The following WDR7 variants were observed in gnomAD, a reference collection of about 807,000 sequenced individuals.
WDR7 encodes WD repeat-containing protein 7.
WDR7 carries 46 observed loss-of-function variants against 169.4 expected under a neutral mutation model. The ratio of observed to expected loss-of-function variants is 0.27; its 90% CI spans 0.21 to 0.35. WDR7 has a LOEUF of 0.35. Among genes scored for constraint, WDR7 ranks in the 10% least tolerant of loss-of-function variants. The pLI, the probability that WDR7 is intolerant of heterozygous loss-of-function variation, is 1.00. For missense variants in WDR7, 1,534 were observed against 1,859.3 expected (o/e 0.83, Z 3.22); for synonymous variants, 612 against 666.8 (o/e 0.92, Z 1.27).
At chr18:57,018,634 CT>C (rs2145933753) in intron 26 of WDR7, among the ~76,000 whole-genome samples, 1 of 152,264 alleles carries the variant, frequency 6.6e-6, no homozygotes, top group African/African-American at 2.4e-5. Context: ...GAAAGATGGG[CT>C]GAAAAAATTT....
At chr18:56,700,252 C>T (rs2510191) in intron 12 of WDR7, among the ~76,000 whole-genome samples, 74 of 67,166 alleles carry the variant, frequency 1.1e-3, no homozygotes, top group South Asian at 4.7e-3. Flanking sequence ...TTTTCATTTT[C>T]TTTTTTTTTT....
chr18:56,694,133 G>A (rs1315401812), intron 9 of WDR7, among the ~76,000 whole-genome samples: 5 of 151,756 alleles, frequency 3.3e-5, no homozygotes, highest in African/African-American at 1.2e-4. Flanking sequence ...TCATTGTTGG[G>A]ATTACAAGCA....
At chr18:56,953,091 G>A (rs1403055892) in intron 25 of WDR7, among the ~76,000 whole-genome samples, 5 of 152,154 alleles carry the variant, frequency 3.3e-5, no homozygotes, top group Non-Finnish European at 7.4e-5. Context: ...TTATCAGAAA[G>A]CTGTCACCCT....
At chr18:56,747,684 T>G (rs1448328095) in intron 14 of WDR7, among the ~76,000 whole-genome samples, 1 of 152,024 alleles carries the variant, frequency 6.6e-6, no homozygotes, top group Non-Finnish European at 1.5e-5. Context: ...AGGCTTGACA[T>G]TAGGAGGACG....
At chr18:56,685,638 A>C (rs77161034) in intron 5 of WDR7, among the ~76,000 whole-genome samples, 1,736 of 152,286 alleles carry the variant, frequency 0.011, 24 homozygotes, top group African/African-American at 0.039. Context: ...AAAGAATTAG[A>C]AGTTGTAAAT....
rs1568286850 is a variant in WDR7 at position 56,959,365 on chromosome 18, A to G, written c.4065-3065A>G. 2.0e-5 allele frequency among the ~76,000 whole-genome samples: 3 copies of G among 152,118 alleles called. 1 individual carries two copies. Among genetic ancestry groups the G allele is most frequent in the South Asian group, 4.2e-4 (2 of 4,816 alleles). ...AAAGCATGGAGATCAGTGACTTTCA[A>G]CTTATTGGATGATGACCACCTCAGC... On this transcript the variant is annotated intron_variant, in intron 25 of 27. Coordinates refer to ENST00000254442, the MANE Select transcript of WDR7 (RefSeq NM_015285.3).
chr18:56,866,842 T>C (rs1434303096), intron 20 of WDR7, among the ~76,000 whole-genome samples: 3 of 152,126 alleles, frequency 2.0e-5, no homozygotes, highest in Admixed American at 2.0e-4. Context: ...TTGAAATAAC[T>C]GGAAGAGAAG....
intron 16 of WDR7, among the ~76,000 whole-genome samples, chr18:56,773,073 C>G (rs990197820): frequency 2.0e-5 from 3 of 152,104 alleles, no homozygotes; most frequent in Admixed American, 2.0e-4. Flanking sequence ...GCTGCCAATT[C>G]TATTGGACAT....
At chr18:56,967,792 G>T (rs1306005520) in intron 26 of WDR7, among the ~76,000 whole-genome samples, 1 of 152,172 alleles carries the variant, frequency 6.6e-6, no homozygotes, top group Admixed American at 6.5e-5. Flanking sequence ...ATATAAAATG[G>T]TGAGGCATTT....
At chr18:56,960,118 T>C (rs1354438415) in intron 25 of WDR7, among the ~76,000 whole-genome samples, 3 of 152,198 alleles carry the variant, frequency 2.0e-5, no homozygotes, top group Non-Finnish European at 4.4e-5. Context: ...CAAGTATTAG[T>C]CCAGTAGTAA....
At chr18:56,789,122 C>T (rs1362256053) in intron 19 of WDR7, among the ~76,000 whole-genome samples, 1 of 152,140 alleles carries the variant, frequency 6.6e-6, no homozygotes, top group Admixed American at 6.5e-5. Context: ...CTATATTTGG[C>T]CACTAACCTA....
At chr18:56,739,378 A>G (rs2043577604) in intron 14 of WDR7, among the ~76,000 whole-genome samples, 1 of 152,178 alleles carries the variant, frequency 6.6e-6, no homozygotes, top group African/African-American at 2.4e-5. Flanking sequence ...TGCTGGTGCT[A>G]GAGCCTTAGA....
intron 13 of WDR7, among the ~76,000 whole-genome samples, chr18:56,729,554 A>G (rs544203518): frequency 3.3e-4 from 50 of 152,170 alleles, no homozygotes; most frequent in African/African-American, 1.2e-3. Context: ...TAATATATAT[A>G]GCAGAGCATG....
At position 56,852,622 on chromosome 18, in the gene WDR7, T is replaced by C. The variant is rs17090385; in HGVS notation, c.3305-27322T>C. On this transcript the variant is annotated intron_variant, in intron 20 of 27. Transcript: ENST00000254442. ...ATGATTAATTTTCATATTGTCAGAATACTCAAACTTTTAAGCTGTTCTGGG... is the reference window on the plus strand; with the variant it reads ...ATGATTAATTTTCATATTGTCAGAACACTCAAACTTTTAAGCTGTTCTGGG... Among the ~76,000 whole-genome samples the C allele has an allele frequency of 9.5e-3, 1,440 of 152,308 alleles. 22 individuals are homozygous for C. The highest frequency in any genetic ancestry group is 0.033 in the African/African-American group (1,357 of 41,574).
intron 26 of WDR7, among the ~76,000 whole-genome samples, chr18:56,975,269 TC>T (rs1485748607): frequency 6.6e-6 from 1 of 151,766 alleles, no homozygotes; most frequent in African/African-American, 2.4e-5. Flanking sequence ...TTTGAGTTGA[TC>T]CCTGAGTAGG....
At chr18:56,691,384 G>A (rs1207067635) in intron 8 of WDR7, 23 bp downstream of exon 8, 2 of 1,562,074 alleles carry the variant, frequency 1.3e-6, no homozygotes, top group Non-Finnish European at 1.7e-6. Flanking sequence ...TAATAAATTA[G>A]GACAGTCATC....
chr18:57,015,282 C>T (rs2048191104), intron 26 of WDR7, among the ~76,000 whole-genome samples: 1 of 152,190 alleles, frequency 6.6e-6, no homozygotes, highest in African/African-American at 2.4e-5. Flanking sequence ...TTAAATTGGA[C>T]TTGAACCTTC....
chr18:56,726,035 C>T (rs530444504), intron 13 of WDR7, among the ~76,000 whole-genome samples: 1 of 152,256 alleles, frequency 6.6e-6, no homozygotes, highest in South Asian at 2.1e-4. Flanking sequence ...GATATCAGTA[C>T]CATGCTGTTT....
intron 14 of WDR7, among the ~76,000 whole-genome samples, chr18:56,731,926 G>T (rs1461945636): frequency 6.6e-6 from 1 of 152,148 alleles, no homozygotes; most frequent in Non-Finnish European, 1.5e-5. Flanking sequence ...ACTAGCTAAT[G>T]TCCTAAGGAG....
Sources: gnomAD v4.1 joint callset for allele counts (sites outside exome capture counted in the v4.1 genomes callset) on GRCh38, gnomAD v4.1.1 for gene constraint, MANE v1.5 for transcripts, NCBI Gene and HGNC (gene_info 2026-07-23, HGNC 2026-07-21) for gene names.